The following LRRC57 variants were observed in gnomAD, a reference collection of about 807,000 sequenced individuals.
LRRC57 encodes the protein leucine rich repeat containing 57.
A neutral mutation model predicts 23.1 loss-of-function variants in LRRC57; 14 were observed. That is an observed-to-expected ratio of 0.61 (90% CI 0.40 to 0.95). LRRC57 has a LOEUF of 0.95. Ranked by LOEUF, LRRC57 falls within the 40% of genes least tolerant of loss-of-function variation. The pLI is 0.00. For missense variants in LRRC57, 236 were observed against 284.4 expected, an observed-to-expected ratio of 0.83 and a Z score of 1.22; for synonymous variants, 106 against 115.2, an observed-to-expected ratio of 0.92 and a Z score of 0.51.
chr15:42,537,468 A>G (rs532111515), downstream of LRRC57, among the ~76,000 whole-genome samples: 1 of 152,300 alleles, frequency 6.6e-6, no homozygotes, highest in South Asian at 2.1e-4. Context: ...CCACTATGGA[A>G]AACAAATATG....
chr15:42,544,836 C>CTATATATAT (rs1256583979), intron 5 of LRRC57, among the ~76,000 whole-genome samples: 2 of 103,680 alleles, frequency 1.9e-5, no homozygotes, highest in African/African-American at 1.1e-4. Context: ...CACACACACA[C>CTATATATAT]ACACACTATA....
chr15:42,529,369 C>A, the LRRC57 span, among the ~76,000 whole-genome samples: 1 of 152,142 alleles, frequency 6.6e-6, no homozygotes, highest in African/African-American at 2.4e-5. Flanking sequence ...TTGAGTAGGT[C>A]TGGAATGGAG....
chr15:42,544,858 A>ATATATATATATATATATATC (rs1173358007), intron 5 of LRRC57, among the ~76,000 whole-genome samples: 6 of 148,884 alleles, frequency 4.0e-5, no homozygotes, highest in African/African-American at 1.5e-4. Flanking sequence ...ATATATATAT[A>ATATATATATATATATATATC]TCAAAAGACA....
chr15:42,536,141 C>T (rs1002564520), downstream of LRRC57, among the ~76,000 whole-genome samples: 15 of 150,280 alleles, frequency 1.0e-4, no homozygotes, highest in South Asian at 6.2e-4. Context: ...ATAGTACCAT[C>T]GGTGATCACA....
rs1282914818 is a variant in LRRC57 at position 42,548,785 on chromosome 15, A to G, written c.-115T>C. 1 of 964,708 alleles carries G rather than the reference A, an allele frequency of 1.0e-6. No homozygotes were observed. Among genetic ancestry groups the G allele is most frequent in the African/African-American group, 1.6e-5 (1 of 61,190 alleles). 59.8% of individuals were successfully genotyped at this position (964,708 alleles called of 1,614,324 possible). ...CTCCCCGGCTTAGTCCCGGGCGGGAACGCCCTGTGACGTCATCGAGCCGCG... is the reference window on the plus strand; with the variant it reads ...CTCCCCGGCTTAGTCCCGGGCGGGAGCGCCCTGTGACGTCATCGAGCCGCG... On this transcript the variant is annotated 5_prime_UTR_variant, in exon 1 of 6. Transcript: ENST00000397130.
Position 42,548,089 on chromosome 15 carries a change from C to T in LRRC57, c.223+17G>A. 1 of 1,613,660 alleles carries T rather than the reference C, an allele frequency of 6.2e-7. No individual in the cohort carries two copies. The highest frequency in any genetic ancestry group is 8.5e-7 in the Non-Finnish European group (1 of 1,179,744). On this transcript the variant is annotated intron_variant, in intron 3 of 5. Transcript: ENST00000397130. The stretch of plus-strand genomic sequence containing the variant: ...ACAGCTGATCACTAGCAAAAGCCTC[C>T]CTGGCGAGAGCCATACTCAGTTTGT...
the LRRC57 span, among the ~76,000 whole-genome samples, chr15:42,530,500 C>T: frequency 0.047 from 7,223 of 152,244 alleles, 575 homozygotes; most frequent in African/African-American, 0.16. Context: ...TAGCTCACAC[C>T]TGTAATCTCA....
In LRRC57 at chr15:42,548,107, C is replaced by T. The variant is rs150825131; in HGVS notation, c.222G>A (p.Leu74=). 6.2e-7 allele frequency: 1 copy of T among 1,614,078 alleles called. No individual in the cohort carries two copies. Among genetic ancestry groups the T allele is most frequent in the African/African-American group, 1.3e-5 (1 of 74,932 alleles). ...AAGCCTCCCTGGCGAGAGCCATACT[C>T]AGTTTGTTGTTGTTCAGGGAGAGGC... is the stretch of plus-strand genomic sequence containing the variant. The part of the protein sequence containing the change: ...LKSLSLNNNK[L]TVLPDEICNL... Residue 74 remains leucine (L), a splice_region_variant and synonymous_variant, in exon 3 of 6, where the codon CTG becomes CTA. Transcript: ENST00000397130.
At chr15:42,534,842 G>A (rs565101859), downstream of LRRC57, among the ~76,000 whole-genome samples, 14 of 152,256 alleles carry the variant, frequency 9.2e-5, no homozygotes, top group African/African-American at 3.4e-4. Context: ...TCTCAACAGT[G>A]GGTTTAAAAT....
In LRRC57 at chr15:42,542,673, T is replaced by C. The variant is rs1271356709; in HGVS notation, c.*1410A>G. The stretch of plus-strand genomic sequence containing the variant: ...ACAAAAAGGGAAAGGTTACCAGAAA[T>C]AAGACATTATTTCTAACAAATCTTC... On this transcript the variant is annotated 3_prime_UTR_variant, in exon 6 of 6. Transcript: ENST00000397130. 1 of 152,626 alleles carries C rather than the reference T, an allele frequency of 6.6e-6. No homozygotes were observed. The highest frequency in any genetic ancestry group is 1.5e-5 in the Non-Finnish European group (1 of 68,026). 9.5% of individuals were successfully genotyped at this position (152,626 alleles called of 1,614,324 possible).
intron 3 of LRRC57, chr15:42,547,829 T>G (rs577397149): frequency 5.5e-6 from 3 of 546,250 alleles, no homozygotes; most frequent in African/African-American, 3.8e-5. Flanking sequence ...CCATCCCCCA[T>G]TCCAAGTTAG....
intron 5 of LRRC57, among the ~76,000 whole-genome samples, chr15:42,544,778 C>T (rs1230902631): frequency 6.7e-6 from 1 of 149,970 alleles, no homozygotes; most frequent in East Asian, 1.9e-4. Context: ...GATTGCGCCA[C>T]TGCACTCCAG....
downstream of LRRC57, among the ~76,000 whole-genome samples, chr15:42,533,901 A>C (rs1022425195): frequency 3.9e-5 from 6 of 152,186 alleles, no homozygotes; most frequent in Non-Finnish European, 1.5e-5. Context: ...TTATGTCTTT[A>C]AAAAGCAATG....
At chr15:42,545,372 T>G (rs938665974) in intron 4 of LRRC57, 110 bp from the exon 5 acceptor site, 2 of 671,758 alleles carry the variant, frequency 3.0e-6, no homozygotes, top group Non-Finnish European at 4.4e-6. Flanking sequence ...TGTTCTAGTT[T>G]TCCCCTCTTT....
intron 4 of LRRC57, 73 bp downstream of exon 4, chr15:42,547,188 A>C: frequency 1.6e-5 from 24 of 1,487,818 alleles, no homozygotes; most frequent in African/African-American, 2.8e-5. Context: ...TTAGGAAACA[A>C]GAGGTTAACA....
At chr15:42,533,104 T>A (rs989412698), downstream of LRRC57, 3 of 152,500 alleles carry the variant, frequency 2.0e-5, no homozygotes, top group Non-Finnish European at 4.4e-5. Flanking sequence ...CTATGACTGT[T>A]ATTTGGGGGA....
At chr15:42,536,401 G>C (rs149925199), downstream of LRRC57, among the ~76,000 whole-genome samples, 5 of 152,304 alleles carry the variant, frequency 3.3e-5, no homozygotes, top group Admixed American at 2.0e-4. Flanking sequence ...AACAGTTCCT[G>C]GCTAATGTAA....
At chr15:42,544,836 C>CTATATATATATATATATATATATATAT (rs1256583979) in intron 5 of LRRC57, among the ~76,000 whole-genome samples, 1 of 103,678 alleles carries the variant, frequency 9.6e-6, no homozygotes, top group African/African-American at 5.5e-5. Context: ...CACACACACA[C>CTATATATATATATATATATATATATAT]ACACACTATA....
downstream of LRRC57, among the ~76,000 whole-genome samples, chr15:42,537,248 C>CACACACACACACACACAT (rs898846158): frequency 4.3e-4 from 64 of 149,654 alleles, no homozygotes; most frequent in African/African-American, 1.5e-3. Context: ...CACACACACA[C>CACACACACACACACACAT]ACACACACAC....
Sources: allele counts gnomAD v4.1 joint callset (sites outside exome capture counted in the v4.1 genomes callset), GRCh38; gene constraint gnomAD v4.1.1; transcripts MANE v1.5; gene names NCBI Gene and HGNC (gene_info 2026-07-23, HGNC 2026-07-21).